Variants in IRF2 observed in about 807,000 individuals in gnomAD.
The protein encoded by IRF2 is interferon regulatory factor 2.
Under a neutral mutation model 40.6 loss-of-function variants are expected in IRF2, and 15 were observed. That is an observed-to-expected ratio of 0.37 (90% CI 0.25 to 0.57). IRF2 has a LOEUF of 0.57. Ranked by LOEUF, IRF2 falls within the 20% of genes least tolerant of loss-of-function variation. The pLI is 0.77. For missense variants in IRF2, 317 were observed against 455.7 expected (o/e 0.70, Z 2.77); for synonymous variants, 151 against 165.5 (o/e 0.91, Z 0.67).
intron 4 of IRF2, 34 bp downstream of exon 4, chr4:184,418,498 G>C: frequency 6.3e-7 from 1 of 1,591,928 alleles, no homozygotes; most frequent in Non-Finnish European, 8.6e-7. Flanking sequence ...GACACAAATT[G>C]ATTTACCTTA....
intron 7 of IRF2, among the ~76,000 whole-genome samples, chr4:184,395,757 G>A (rs1418540135): frequency 6.6e-6 from 1 of 152,188 alleles, no homozygotes; most frequent in African/African-American, 2.4e-5. Context: ...AAGAACCAAA[G>A]GCCAGGCTGA....
Position 184,419,685 on chromosome 4 carries a change from G to A in IRF2, c.88-117C>T, listed in dbSNP as rs1446826229. On this transcript the variant is annotated intron_variant, in intron 2 of 8. Coordinates refer to ENST00000393593, the MANE Select transcript of IRF2 (RefSeq NM_002199.4). ...TTCCCCAGCAAGCATCGCTGAATGTGTTGACTGCTGACAAGAAAATCTACT... is the reference window on the plus strand; with the variant it reads ...TTCCCCAGCAAGCATCGCTGAATGTATTGACTGCTGACAAGAAAATCTACT... 4 of 681,678 alleles carry A rather than the reference G, an allele frequency of 5.9e-6. No homozygotes were observed. The African/African-American group carries it at 7.2e-5, about 12-fold the overall frequency. The allele number at this position is 681,678 out of a possible 1,614,324, so 42.2% of individuals were successfully genotyped here.
At chr4:184,452,397 G>A (rs903032291) in intron 1 of IRF2, among the ~76,000 whole-genome samples, 2 of 152,210 alleles carry the variant, frequency 1.3e-5, no homozygotes, top group African/African-American at 2.4e-5. Context: ...CATATCCAGA[G>A]GCTCCCAGAA....
chr4:184,469,638 G>A (rs939567872), intron 1 of IRF2, among the ~76,000 whole-genome samples: 2 of 152,224 alleles, frequency 1.3e-5, no homozygotes, highest in Admixed American at 6.5e-5. Flanking sequence ...TCGAGCCACC[G>A]CACTCCAGCC....
At chr4:184,460,837 C>T (rs1405765214) in intron 1 of IRF2, among the ~76,000 whole-genome samples, 1 of 152,020 alleles carries the variant, frequency 6.6e-6, no homozygotes, top group Admixed American at 6.6e-5. Flanking sequence ...GTAGGACCTA[C>T]GTAGAAAAAG....
chr4:184,461,703 A>AC (rs1739154476), intron 1 of IRF2, among the ~76,000 whole-genome samples: 1 of 20,514 alleles, frequency 4.9e-5, no homozygotes. Flanking sequence ...CCGCCCCCCA[A>AC]CCCCCAACCC....
At chr4:184,463,423 A>C (rs1169752636) in intron 1 of IRF2, among the ~76,000 whole-genome samples, 3 of 152,230 alleles carry the variant, frequency 2.0e-5, no homozygotes, top group Non-Finnish European at 4.4e-5. Flanking sequence ...TATAGGTGCA[A>C]AGGACACATT....
intron 1 of IRF2, among the ~76,000 whole-genome samples, chr4:184,452,798 G>GAAAAAAAAAAAAAAAAAAAA (rs1579104870): frequency 8.1e-6 from 1 of 123,000 alleles, no homozygotes; most frequent in African/African-American, 3.2e-5. Context: ...AAAAAAAAGG[G>GAAAAAAAAAAAAAAAAAAAA]AAAGAAAGAA....
Position 184,399,052 on chromosome 4 carries a change from T to C in IRF2, c.557A>G (p.Asn186Ser). ...GGTGACAATCTCTTGATTCTCAATG[T>C]TGCTGTCCAGATGGGACTGTCCTAC... is the stretch of plus-strand genomic sequence containing the variant. ...IVVGQSHLDSNIENQEIVTNP... is the reference protein window; with the variant it reads ...IVVGQSHLDSSIENQEIVTNP... Residue 186 changes from asparagine (N) to serine (S), a missense_variant, in exon 7 of 9, where the codon AAC becomes AGC. Physicochemically the swap from Asn to Ser is conservative, Grantham distance 46. Transcript: ENST00000393593. The C allele has an allele frequency of 6.2e-7, 1 of 1,610,996 alleles. No individual in the cohort carries two copies. Among genetic ancestry groups the C allele is most frequent in the Non-Finnish European group, 8.5e-7 (1 of 1,178,382 alleles).
intron 7 of IRF2, among the ~76,000 whole-genome samples, chr4:184,393,119 C>T (rs1441412217): frequency 2.0e-5 from 3 of 152,188 alleles, no homozygotes; most frequent in African/African-American, 7.2e-5. Context: ...GGAACAGCCA[C>T]TCCCAAGAAG....
chr4:184,428,570 G>A, intron 2 of IRF2: 1 of 378,830 alleles, frequency 2.6e-6, no homozygotes, highest in East Asian at 7.3e-5. Flanking sequence ...GGCTGAGGTG[G>A]GAGGATCACT....
rs757601359 is a variant in IRF2 at position 184,389,063 on chromosome 4, G to A, written c.745C>T (p.Arg249Trp). Residue 249 changes from arginine to tryptophan, a missense_variant, in exon 9 of 9, where the codon CGG becomes TGG. Physicochemically the swap from Arg to Trp is moderately radical, Grantham distance 101. Around this residue, in one of 2 missense-constraint regions of IRF2, gnomAD observed 262 missense variants for 334.0 expected, o/e 0.78. Transcript: ENST00000393593. ...ATATTCCTCTTCCGCCAGTGTGGCCGCCCCTTTCAAGAAAGTAATTAAGAT... is the reference window on the plus strand; with the variant it reads ...ATATTCCTCTTCCGCCAGTGTGGCCACCCCTTTCAAGAAAGTAATTAAGAT... ...VPSDEESAEG[R>W]PHWRKRNIEG... 112 of 1,613,680 alleles carry A rather than the reference G, an allele frequency of 6.9e-5. No homozygotes were observed. The highest frequency in any genetic ancestry group is 7.9e-5 in the Non-Finnish European group (93 of 1,179,796).
At chr4:184,445,393 C>G (rs1738468350) in intron 1 of IRF2, among the ~76,000 whole-genome samples, 2 of 152,180 alleles carry the variant, frequency 1.3e-5, no homozygotes, top group South Asian at 4.1e-4. Context: ...GTGGCTCACA[C>G]CTGTAATCCC....
intron 6 of IRF2, among the ~76,000 whole-genome samples, chr4:184,400,595 G>A (rs1277885392): frequency 6.6e-6 from 1 of 152,176 alleles, no homozygotes; most frequent in African/African-American, 2.4e-5. Flanking sequence ...CAATTGCTGA[G>A]TCATATGGTA....
At chr4:184,399,510 A>C (rs956972426) in intron 6 of IRF2, among the ~76,000 whole-genome samples, 1 of 152,224 alleles carries the variant, frequency 6.6e-6, no homozygotes, top group Non-Finnish European at 1.5e-5. Context: ...GGGTTCTACA[A>C]TCCAGGGAGA....
Position 184,388,631 on chromosome 4 carries a change from G to T in IRF2, c.*127C>A. On this transcript the variant is annotated 3_prime_UTR_variant, in exon 9 of 9. Transcript: ENST00000393593. The surrounding 1 kb of genome is among the most constrained non-coding windows in gnomAD (Gnocchi z 4.6). ...ACTGGAGTTGGACACAGCAATCAAT[G>T]TTCTATTGTCAAGGCTTTTTCCCTT... 1.0e-6 allele frequency: 1 copy of T among 965,834 alleles called. No individual in the cohort carries two copies. The highest frequency in any genetic ancestry group is 1.6e-6 in the Non-Finnish European group (1 of 641,426). The allele number at this position is 965,834 out of a possible 1,614,324, so 59.8% of individuals were successfully genotyped here.
At chr4:184,431,744 C>A (rs1338145019) in intron 1 of IRF2, among the ~76,000 whole-genome samples, 3 of 152,024 alleles carry the variant, frequency 2.0e-5, no homozygotes, top group African/African-American at 7.2e-5. Context: ...GGCGCTGCAG[C>A]TGAGCCTGAG....
At position 184,408,547 on chromosome 4, in the gene IRF2, A is replaced by G. The variant is rs1038058673; in HGVS notation, c.412-272T>C. ...CTTTAGGAAATGCTTCCACCTGCAGACAATAGCTTTGGGGCTACGCAGAGC... is the reference window on the plus strand; with the variant it reads ...CTTTAGGAAATGCTTCCACCTGCAGGCAATAGCTTTGGGGCTACGCAGAGC... On this transcript the variant is annotated intron_variant, in intron 5 of 8. Transcript: ENST00000393593. The surrounding 1 kb of genome is among the most constrained non-coding windows in gnomAD (Gnocchi z 4.9). 1.3e-5 allele frequency among the ~76,000 whole-genome samples: 2 copies of G among 152,190 alleles called. No individual in the cohort carries two copies. The highest frequency in any genetic ancestry group is 4.8e-5 in the African/African-American group (2 of 41,456).
intron 6 of IRF2, among the ~76,000 whole-genome samples, chr4:184,403,964 T>A (rs1487478153): frequency 2.6e-5 from 4 of 152,300 alleles, no homozygotes; most frequent in African/African-American, 9.6e-5. Flanking sequence ...CAATATTATT[T>A]ATGGCTGGTT....
Sources: allele counts gnomAD v4.1 joint callset (sites outside exome capture counted in the v4.1 genomes callset), GRCh38; gene constraint gnomAD v4.1.1; regional missense constraint gnomAD v4.1.1; non-coding constraint Gnocchi (gnomAD v3.1); transcripts MANE v1.5; gene names NCBI Gene and HGNC (gene_info 2026-07-23, HGNC 2026-07-21).